The following PHF21B variants were observed in gnomAD, a reference collection of about 807,000 sequenced individuals.
The protein encoded by PHF21B is PHD finger protein 4.
In PHF21B, 22 loss-of-function variants were observed where a neutral mutation model predicts 62.2. That is an observed-to-expected ratio of 0.35 (90% CI 0.25 to 0.51). The LOEUF is 0.51. Among genes scored for constraint, PHF21B ranks in the 20% least tolerant of loss-of-function variants. The pLI is 0.97. For missense variants in PHF21B, 701 were observed against 707.9 expected, an observed-to-expected ratio of 0.99 and a Z score of 0.11; for synonymous variants, 341 against 314.7, an observed-to-expected ratio of 1.08 and a Z score of -0.88.
At chr22:44,954,148 C>T (rs542858549) in intron 2 of PHF21B, among the ~76,000 whole-genome samples, 2 of 152,314 alleles carry the variant, frequency 1.3e-5, no homozygotes, top group African/African-American at 2.4e-5. Context: ...CTGCTAAGGT[C>T]CTTTTCTTAT....
At chr22:44,964,504 C>A (rs866605183) in intron 2 of PHF21B, among the ~76,000 whole-genome samples, 16 of 152,246 alleles carry the variant, frequency 1.1e-4, no homozygotes, top group African/African-American at 3.9e-4. Flanking sequence ...AAACAACAGC[C>A]CCTGACTCGG....
At chr22:44,900,549 C>T (rs530144814) in intron 5 of PHF21B, among the ~76,000 whole-genome samples, 4 of 152,340 alleles carry the variant, frequency 2.6e-5, no homozygotes, top group South Asian at 2.1e-4. Flanking sequence ...GATCCACCCG[C>T]CTCGGCCTCC....
chr22:44,976,067 A>G (rs1306525594), intron 2 of PHF21B, among the ~76,000 whole-genome samples: 1 of 152,196 alleles, frequency 6.6e-6, no homozygotes, highest in East Asian at 1.9e-4. Flanking sequence ...GCTACTCAGG[A>G]GGCTGAGGTG....
At chr22:44,957,902 CAT>C (rs1491288115) in intron 2 of PHF21B, among the ~76,000 whole-genome samples, 16 of 78,136 alleles carry the variant, frequency 2.0e-4, no homozygotes, top group Non-Finnish European at 3.5e-4. Context: ...CACCACTGGA[CAT>C]TTTTTTTTTT....
At chr22:44,891,958 G>C (rs2070973536) in intron 7 of PHF21B, among the ~76,000 whole-genome samples, 1 of 152,154 alleles carries the variant, frequency 6.6e-6, no homozygotes, top group East Asian at 1.9e-4. Context: ...CTCTCGGTGT[G>C]GTCAGGCTGT....
intron 5 of PHF21B, among the ~76,000 whole-genome samples, chr22:44,902,924 T>C (rs1226264595): frequency 6.6e-6 from 1 of 152,240 alleles, no homozygotes; most frequent in Non-Finnish European, 1.5e-5. Flanking sequence ...ATTAGCCTTC[T>C]AGAAGCAACT....
intron 2 of PHF21B, among the ~76,000 whole-genome samples, chr22:44,950,458 C>T (rs949575159): frequency 5.3e-5 from 8 of 152,320 alleles, no homozygotes; most frequent in South Asian, 2.1e-4. Flanking sequence ...ACTCCACCAA[C>T]AGTAAAGGGA....
At chr22:44,903,022 C>G (rs2071187762) in intron 5 of PHF21B, among the ~76,000 whole-genome samples, 2 of 152,214 alleles carry the variant, frequency 1.3e-5, no homozygotes, top group African/African-American at 4.8e-5. Context: ...TCCTCTGCCT[C>G]TCCCCCATGG....
intron 2 of PHF21B, among the ~76,000 whole-genome samples, chr22:44,932,158 T>C (rs955549133): frequency 2.0e-5 from 3 of 152,168 alleles, no homozygotes; most frequent in Admixed American, 2.0e-4. Flanking sequence ...CCTCTACTCA[T>C]CTGTTTCCTA....
chr22:44,887,393 T>A (rs1271532377), intron 10 of PHF21B, among the ~76,000 whole-genome samples: 1 of 152,118 alleles, frequency 6.6e-6, no homozygotes, highest in African/African-American at 2.4e-5. Flanking sequence ...TATAATTCCA[T>A]ATAGTGAACA....
intron 2 of PHF21B, among the ~76,000 whole-genome samples, chr22:44,997,058 C>A (rs754438731): frequency 1.3e-5 from 2 of 152,220 alleles, no homozygotes; most frequent in Non-Finnish European, 2.9e-5. Context: ...CTGAGCACCA[C>A]AAGGCCTATT....
intron 5 of PHF21B, 62 bp downstream of exon 5, chr22:44,913,760 C>A: frequency 6.5e-7 from 1 of 1,545,854 alleles, no homozygotes; most frequent in Non-Finnish European, 8.7e-7. Context: ...CTATACACAG[C>A]GGCCTCAGAT....
intron 2 of PHF21B, among the ~76,000 whole-genome samples, chr22:44,995,675 C>T (rs1001698773): frequency 2.0e-5 from 3 of 152,112 alleles, no homozygotes; most frequent in Admixed American, 6.5e-5. Flanking sequence ...CTAGAATCTT[C>T]GGCGCGTCGA....
chr22:45,000,767 C>T (rs1472352218), intron 2 of PHF21B: 1 of 152,098 alleles, frequency 6.6e-6, no homozygotes, highest in African/African-American at 2.4e-5. Context: ...GATCGCCTCC[C>T]CAGCGGGGAC....
At chr22:44,940,548 G>C (rs1216983003) in intron 2 of PHF21B, among the ~76,000 whole-genome samples, 1 of 152,248 alleles carries the variant, frequency 6.6e-6, no homozygotes, top group Non-Finnish European at 1.5e-5. Context: ...GCTGAAGGAG[G>C]CCGCCTGAGA....
At chr22:44,908,130 T>G (rs1416591896) in intron 5 of PHF21B, among the ~76,000 whole-genome samples, 1 of 152,226 alleles carries the variant, frequency 6.6e-6, no homozygotes, top group Non-Finnish European at 1.5e-5. Context: ...CAGTAGGTTC[T>G]GACCCCAAAC....
At chr22:44,968,679 C>A (rs926978401) in intron 2 of PHF21B, among the ~76,000 whole-genome samples, 10 of 150,042 alleles carry the variant, frequency 6.7e-5, no homozygotes, top group African/African-American at 2.2e-4. Flanking sequence ...TGGGACCATA[C>A]ATGTTTTGGA....
Position 45,009,617 on chromosome 22 carries a change from G to A in PHF21B, c.-68C>T, listed in dbSNP as rs1032843387. The A allele has an allele frequency of 6.8e-6, 10 of 1,468,394 alleles. No individual in the cohort carries two copies. Among genetic ancestry groups the A allele is most frequent in the African/African-American group, 4.4e-5 (3 of 68,314 alleles). The allele number at this position is 1,468,394 out of a possible 1,614,324, so 91.0% of individuals were successfully genotyped here. A position where few individuals can be genotyped will look rare whatever the true frequency, so the allele number is the denominator to read the frequency against. On this transcript the variant is annotated 5_prime_UTR_variant, in exon 1 of 13. Transcript: ENST00000313237. The surrounding 1 kb of genome is among the most constrained non-coding windows in gnomAD (Gnocchi z 5.9). ...CTCCCGGGAAGTTGCGCGGCTCCGC[G>A]GGGGCCAGAGCGGGCGCGGGCGGAC...
chr22:44,893,468 G>A lies in PHF21B; in HGVS notation c.949C>T (p.Leu317=). Residue 317 remains leucine, a synonymous_variant, in exon 7 of 13, where the codon CTG becomes TTG. Coordinates refer to ENST00000313237, the MANE Select transcript of PHF21B (RefSeq NM_138415.5). ...STANPAYSGL[L]ETERKRLASN... ...GGCGGGTTCCCCACCTCGGTCTCCA[G>A]GAGGCCGCTGTAGGCAGGGTTGGCT... 1.9e-6 allele frequency: 3 copies of A among 1,599,606 alleles called. No homozygotes were observed. Among genetic ancestry groups the A allele is most frequent in the Non-Finnish European group, 2.6e-6 (3 of 1,173,404 alleles).
Sources: allele counts gnomAD v4.1 joint callset (sites outside exome capture counted in the v4.1 genomes callset), GRCh38; gene constraint gnomAD v4.1.1; non-coding constraint Gnocchi (gnomAD v3.1); transcripts MANE v1.5; gene names NCBI Gene and HGNC (gene_info 2026-07-23, HGNC 2026-07-21).